DAGLB: variants seen among roughly 807,000 people sequenced by gnomAD.
DAGLB encodes the protein diacylglycerol lipase beta, also known as diacylglycerol lipase-beta.
A neutral mutation model predicts 72.1 loss-of-function variants in DAGLB; 66 were observed. That is an observed-to-expected ratio of 0.92 (90% CI 0.75 to 1.12). DAGLB has a LOEUF of 1.12. DAGLB is among the 50% of genes most tolerant of loss of function. The pLI, the probability that DAGLB is intolerant of heterozygous loss-of-function variation, is 0.00. For missense variants in DAGLB, 1,065 were observed against 884.9 expected (o/e 1.20, Z -2.58); for synonymous variants, 414 against 359.5 (o/e 1.15, Z -1.71).
chr7:6,413,917 C>T (rs1285936894), intron 11 of DAGLB, among the ~76,000 whole-genome samples: 1 of 152,230 alleles, frequency 6.6e-6, no homozygotes, highest in Non-Finnish European at 1.5e-5. Context: ...CTTTCATCAA[C>T]AGGAGGAGAG....
chr7:6,415,694 A>C lies in DAGLB; in HGVS notation c.1427+933T>G, dbSNP rs375663391. Among the ~76,000 whole-genome samples the C allele has an allele frequency of 2.7e-4, 41 of 151,550 alleles. 1 individual carries two copies. In the East Asian group the frequency reaches 6.9e-3, roughly 25 times the overall value. The stretch of plus-strand genomic sequence containing the variant: ...CCGTCTCTACTAAAAAAATACAAAA[A>C]ATTAGCCGGGTGTGGTGGCGGGCGC... On this transcript the variant is annotated intron_variant, in intron 11 of 14. Coordinates refer to ENST00000297056, the MANE Select transcript of DAGLB (RefSeq NM_139179.4).
At position 6,445,781 on chromosome 7, in the gene DAGLB, A is replaced by G. The variant is rs1041790643; in HGVS notation, c.247+172T>C. The G allele has an allele frequency of 9.9e-6, 7 of 708,904 alleles. No individual in the cohort carries two copies. The African/African-American group carries it at 1.3e-4, about 13-fold the overall frequency. The allele number at this position is 708,904 out of a possible 1,614,324, so 43.9% of individuals were successfully genotyped here. A position where few individuals can be genotyped will look rare whatever the true frequency, so the allele number is the denominator to read the frequency against. ...TCCCGCCTGGTACAGGATTTCTTTC[A>G]GGAGTGAAGAAAATGGTATAAACTT... is the stretch of plus-strand genomic sequence containing the variant. On this transcript the variant is annotated intron_variant, in intron 2 of 14. Transcript: ENST00000297056.
chr7:6,429,229 G>T (rs1006315117), intron 6 of DAGLB, among the ~76,000 whole-genome samples: 2 of 152,064 alleles, frequency 1.3e-5, no homozygotes, highest in African/African-American at 4.8e-5. Flanking sequence ...CACTAGGAAG[G>T]ATGGTTGTCA....
intron 9 of DAGLB, among the ~76,000 whole-genome samples, chr7:6,419,182 C>T (rs150523516): frequency 0.033 from 4,958 of 151,164 alleles, 202 homozygotes; most frequent in African/African-American, 0.094. Flanking sequence ...CCACCACACC[C>T]GGCTAATTTT....
In DAGLB at chr7:6,434,913, T is replaced by A; in HGVS notation, c.527A>T (p.His176Leu). 6.2e-7 allele frequency: 1 copy of A among 1,614,196 alleles called. No individual in the cohort carries two copies. Residue 176 changes from histidine (H) to leucine (L), a missense_variant, in exon 4 of 15, where the codon CAT (histidine) becomes CTT (leucine). Transcript: ENST00000297056. ...GCCATTAAGTAACTGGCTTGAATCATGACTATCCAGGTGGCTGGGGCCGGC... is the reference window on the plus strand; with the variant it reads ...GCCATTAAGTAACTGGCTTGAATCAAGACTATCCAGGTGGCTGGGGCCGGC... ...SSAGPSHLDS[H>L]DSSQLLNGLK...
chr7:6,439,474 G>A (rs963857476), intron 2 of DAGLB, among the ~76,000 whole-genome samples: 18 of 152,086 alleles, frequency 1.2e-4, no homozygotes, highest in Non-Finnish European at 1.9e-4. Flanking sequence ...ACTTATGGAA[G>A]AGCAATGAAA....
In DAGLB at chr7:6,432,822, T is replaced by C. The variant is rs1361954525; in HGVS notation, c.801+15A>G. 1 of 1,612,426 alleles carries C rather than the reference T, an allele frequency of 6.2e-7. No individual in the cohort carries two copies. Among genetic ancestry groups the C allele is most frequent in the Non-Finnish European group, 8.5e-7 (1 of 1,179,560 alleles). On this transcript the variant is annotated intron_variant, in intron 5 of 14. Transcript: ENST00000297056. ...GTAAGTGTCAGAACTGGACACTCCA[T>C]GAAGCCAGGCTCACCTGGGAGCTCC...
intron 9 of DAGLB, 32 bp downstream of exon 9, chr7:6,421,695 C>T: frequency 6.3e-7 from 1 of 1,578,882 alleles, no homozygotes; most frequent in Non-Finnish European, 8.6e-7. Flanking sequence ...GGTCAGCATT[C>T]ACAGGCAAGA....
chr7:6,418,664 T>G lies in DAGLB; in HGVS notation c.1219-1743A>C, dbSNP rs555299804. Reference sequence around the variant, plus strand: ...ATCTCTAATCCAACTACAAGTTTCTTTTTTTGTTTTTTTTTTTTGAGACAG... The same window carrying G: ...ATCTCTAATCCAACTACAAGTTTCTGTTTTTGTTTTTTTTTTTTGAGACAG... On this transcript the variant is annotated intron_variant, in intron 9 of 14. Transcript: ENST00000297056. Among the ~76,000 whole-genome samples, 5 of 119,196 alleles carry G rather than the reference T, an allele frequency of 4.2e-5. No individual in the cohort carries two copies. In the South Asian group the frequency reaches 1.0e-3, roughly 24 times the overall value. 78.2% of individuals were successfully genotyped at this position (119,196 alleles called of 152,430 possible). A position where few individuals can be genotyped will look rare whatever the true frequency, so the allele number is the denominator to read the frequency against.
chr7:6,415,236 GTAGACTGCTAGGCAA>G (rs1783867205), intron 11 of DAGLB, among the ~76,000 whole-genome samples: 1 of 151,484 alleles, frequency 6.6e-6, no homozygotes. Context: ...GTCTGCCTCT[GTAGACTGCTAGGCAA>G]CAATTCATTA....
Position 6,409,669 on chromosome 7 carries a change from T to A in DAGLB, c.*168A>T, listed in dbSNP as rs1583276050. On this transcript the variant is annotated 3_prime_UTR_variant, in exon 15 of 15. Transcript: ENST00000297056. ...ACTTCTGCTACCATTATGGCCACAA[T>A]GACTTCCCATAAACTTAAGTCATTG... 2.5e-6 allele frequency: 2 copies of A among 809,094 alleles called. No homozygotes were observed. Among genetic ancestry groups the A allele is most frequent in the East Asian group, 2.7e-5 (1 of 36,754 alleles). The allele number at this position is 809,094 out of a possible 1,614,324, so 50.1% of individuals were successfully genotyped here. A position where few individuals can be genotyped will look rare whatever the true frequency, so the allele number is the denominator to read the frequency against.
At chr7:6,425,429 G>A (rs1293476073) in intron 7 of DAGLB, among the ~76,000 whole-genome samples, 3 of 152,112 alleles carry the variant, frequency 2.0e-5, no homozygotes, top group Admixed American at 6.6e-5. Context: ...CTGCCACCAC[G>A]CCCAGCTAAT....
At chr7:6,443,712 C>A (rs1179847789) in intron 2 of DAGLB, among the ~76,000 whole-genome samples, 2 of 152,126 alleles carry the variant, frequency 1.3e-5, no homozygotes, top group Non-Finnish European at 2.9e-5. Context: ...ACCTCACCAC[C>A]AGCATATATC....
At chr7:6,416,978 G>C in intron 9 of DAGLB, 57 bp from the exon 10 acceptor site, 1 of 1,582,886 alleles carries the variant, frequency 6.3e-7, no homozygotes, top group East Asian at 2.3e-5. Flanking sequence ...AGGCCCAGCA[G>C]AGACTCAAAG....
rs1784442407 is a variant in DAGLB, at chr7:6,430,263, A to ATATATAT, written c.929+210_929+216dup. Among the ~76,000 whole-genome samples the ATATATAT allele has an allele frequency of 3.7e-5, 4 of 107,344 alleles. No homozygotes were observed. The South Asian group carries it at 1.2e-3, about 31-fold the overall frequency. The allele number at this position is 107,344 out of a possible 152,430, so 70.4% of individuals were successfully genotyped here. A position where few individuals can be genotyped will look rare whatever the true frequency, so the allele number is the denominator to read the frequency against. On this transcript the variant is annotated intron_variant, in intron 6 of 14. Transcript: ENST00000297056. Reference sequence around the variant, plus strand: ...AAAATACATGTGCATATATATATATATATATATATATATATATATGCAGGG... The same window carrying ATATATAT: ...AAAATACATGTGCATATATATATATATATATATTATATATATATATATATATGCAGGG...
chr7:6,414,499 C>G (rs1230832256), intron 11 of DAGLB, among the ~76,000 whole-genome samples: 1 of 151,418 alleles, frequency 6.6e-6, no homozygotes, highest in Non-Finnish European at 1.5e-5. Flanking sequence ...GGAACCGGGT[C>G]TATGTTGCCC....
intron 2 of DAGLB, among the ~76,000 whole-genome samples, chr7:6,442,197 C>G (rs559355278): frequency 6.6e-6 from 1 of 152,104 alleles, no homozygotes; most frequent in African/African-American, 2.4e-5. Flanking sequence ...GCTTCTCTGA[C>G]GCATACTTGG....
At chr7:6,437,163 AT>A (rs1784689801) in intron 2 of DAGLB, among the ~76,000 whole-genome samples, 4 of 136,778 alleles carry the variant, frequency 2.9e-5, no homozygotes, top group African/African-American at 8.0e-5. Flanking sequence ...CAAAATAATA[AT>A]AATAATAATA....
intron 5 of DAGLB, among the ~76,000 whole-genome samples, chr7:6,431,282 G>A (rs895234877): frequency 7.2e-5 from 11 of 152,102 alleles, no homozygotes; most frequent in Admixed American, 1.3e-4. Flanking sequence ...TACCGTCTAC[G>A]TGCAATTTTC....
Sources: gnomAD v4.1 joint callset for allele counts (sites outside exome capture counted in the v4.1 genomes callset) on GRCh38, gnomAD v4.1.1 for gene constraint, MANE v1.5 for transcripts, NCBI Gene and HGNC (gene_info 2026-07-23, HGNC 2026-07-21) for gene names.